Variants in TIAM1 observed in about 807,000 individuals in gnomAD.
TIAM1 encodes the protein rho guanine nucleotide exchange factor TIAM1.
TIAM1 carries 65 observed loss-of-function variants against 163.5 expected under a neutral mutation model. The ratio of observed to expected loss-of-function variants is 0.40; its 90% CI spans 0.33 to 0.49. TIAM1 has a LOEUF of 0.49. Ranked by LOEUF, TIAM1 falls within the 20% of genes least tolerant of loss-of-function variation. The probability of loss-of-function intolerance (pLI) is 0.77; values close to 1 mark genes in which losing one functional copy is unlikely to be tolerated. For missense variants in TIAM1, 1,789 were observed against 2,044.7 expected (o/e 0.87, Z 2.41); for synonymous variants, 833 against 810.1 (o/e 1.03, Z -0.48).
At chr21:31,534,259 T>C (rs916640710) in intron 1 of TIAM1, among the ~76,000 whole-genome samples, 2 of 152,250 alleles carry the variant, frequency 1.3e-5, no homozygotes, top group Non-Finnish European at 2.9e-5. Flanking sequence ...TGGATCTCCA[T>C]GCCTTATTAA....
At chr21:31,549,337 T>G (rs1256523203) in intron 1 of TIAM1, among the ~76,000 whole-genome samples, 1 of 152,188 alleles carries the variant, frequency 6.6e-6, no homozygotes, top group Non-Finnish European at 1.5e-5. Flanking sequence ...ACTTTCAGCT[T>G]TTAAAAATAA....
At chr21:31,147,755 AATT>A (rs936210351) in intron 19 of TIAM1, among the ~76,000 whole-genome samples, 1 of 141,268 alleles carries the variant, frequency 7.1e-6, no homozygotes, top group Non-Finnish European at 1.5e-5. Context: ...TATAATATAT[AATT>A]AATATATTAT....
chr21:31,399,783 T>A (rs988831306), intron 2 of TIAM1, among the ~76,000 whole-genome samples: 1 of 152,206 alleles, frequency 6.6e-6, no homozygotes, highest in Non-Finnish European at 1.5e-5. Context: ...CCTGCACAAA[T>A]AGACATGCCT....
rs1266451651 is a variant in TIAM1 at position 31,118,533 on chromosome 21, C to T, written c.*1835G>A. 2 of 462,220 alleles carry T rather than the reference C, an allele frequency of 4.3e-6. No homozygotes were observed. The highest frequency in any genetic ancestry group is 8.9e-6 in the Non-Finnish European group (2 of 225,076). The allele number at this position is 462,220 out of a possible 1,614,324, so 28.6% of individuals were successfully genotyped here. A position where few individuals can be genotyped will look rare whatever the true frequency, so the allele number is the denominator to read the frequency against. On this transcript the variant is annotated 3_prime_UTR_variant, in exon 28 of 28. Coordinates refer to ENST00000541036, the MANE Select transcript of TIAM1 (RefSeq NM_001353694.2). ...AAAAGAAATATATAAGAACTTTTGA[C>T]ATAGACACGTCATGACCTTATGTAC...
chr21:31,399,707 A>G (rs967912081), intron 2 of TIAM1, among the ~76,000 whole-genome samples: 1 of 152,226 alleles, frequency 6.6e-6, no homozygotes. Context: ...TCAATATGAC[A>G]TTTAGCATTA....
chr21:31,361,959 C>G (rs2076414716), intron 2 of TIAM1, among the ~76,000 whole-genome samples: 1 of 152,004 alleles, frequency 6.6e-6, no homozygotes, highest in South Asian at 2.1e-4. Flanking sequence ...TATACACATA[C>G]ACATATATGT....
chr21:31,127,412 C>CTTTTTTTTTTTTTTTTTTT (rs199978005), intron 25 of TIAM1, among the ~76,000 whole-genome samples: 2 of 140,736 alleles, frequency 1.4e-5, no homozygotes. Context: ...ATGGACCGAA[C>CTTTTTTTTTTTTTTTTTTT]TTTTTTTTTT....
chr21:31,396,312 A>G lies in TIAM1; in HGVS notation c.-368-56890T>C, dbSNP rs113314891. The stretch of plus-strand genomic sequence containing the variant: ...GCCTTTCCCACGCATGCCTCCTGCC[A>G]ATCTTCAATACATTCGCGGGTCCCT... On this transcript the variant is annotated intron_variant, in intron 2 of 28. Coordinates refer to the TIAM1 transcript ENST00000286827. Among the ~76,000 whole-genome samples the G allele has an allele frequency of 5.9e-3, 899 of 152,212 alleles. 13 individuals are homozygous for G. The highest frequency in any genetic ancestry group is 0.02 in the Middle Eastern group (6 of 294).
intron 1 of TIAM1, among the ~76,000 whole-genome samples, chr21:31,526,706 T>C (rs1406119679): frequency 6.6e-6 from 1 of 151,932 alleles, no homozygotes; most frequent in Non-Finnish European, 1.5e-5. Context: ...TTTTTGTTGT[T>C]TGTTTGTTTG....
chr21:31,205,946 G>C (rs1382377535), intron 11 of TIAM1, among the ~76,000 whole-genome samples: 2 of 152,040 alleles, frequency 1.3e-5, no homozygotes, highest in African/African-American at 2.4e-5. Context: ...TCAGCCGGGG[G>C]ACAGAGTGAG....
chr21:31,154,396 T>C lies in TIAM1; in HGVS notation c.3022A>G (p.Ser1008Gly), dbSNP rs2083518189. Residue 1008 changes from serine to glycine, a missense_variant, in exon 17 of 28, where the codon AGT (serine) becomes GGT (glycine). By Grantham distance (56) the Ser-to-Gly change is moderately conservative. Around this residue, in one of 5 missense-constraint regions of TIAM1, gnomAD observed 303 missense variants for 321.3 expected, o/e 0.94. Transcript: ENST00000541036. ...STEQVAAFCR[S>G]LHEMNPSDQS... ...TCAGAGGGGTTCATCTCATGCAAACTGCGGCAAAATGCGGCCACCTGTTCT... is the reference window on the plus strand; with the variant it reads ...TCAGAGGGGTTCATCTCATGCAAACCGCGGCAAAATGCGGCCACCTGTTCT... 1.9e-6 allele frequency: 3 copies of C among 1,613,784 alleles called. No individual in the cohort carries two copies. Among genetic ancestry groups the C allele is most frequent in the Non-Finnish European group, 2.5e-6 (3 of 1,179,984 alleles).
At chr21:31,285,745 C>A (rs2073783011) in intron 2 of TIAM1, among the ~76,000 whole-genome samples, 1 of 152,158 alleles carries the variant, frequency 6.6e-6, no homozygotes, top group South Asian at 2.1e-4. Context: ...CCTGTAATCT[C>A]AGCTACTCGG....
intron 2 of TIAM1, among the ~76,000 whole-genome samples, chr21:31,288,220 T>C (rs1340758011): frequency 6.6e-6 from 1 of 152,118 alleles, no homozygotes; most frequent in African/African-American, 2.4e-5. Flanking sequence ...TGGAACCCAC[T>C]AGAACAGCAA....
At chr21:31,366,507 A>G (rs1308100478) in intron 2 of TIAM1, among the ~76,000 whole-genome samples, 1 of 152,174 alleles carries the variant, frequency 6.6e-6, no homozygotes, top group East Asian at 1.9e-4. Context: ...ATCCATCAGG[A>G]GAAAGCTCAA....
At chr21:31,475,043 ATTATTATTATTATTATTAT>A (rs1386126786) in intron 1 of TIAM1, among the ~76,000 whole-genome samples, 7 of 65,972 alleles carry the variant, frequency 1.1e-4, no homozygotes, top group African/African-American at 2.0e-4. Context: ...TATTATTATT[ATTATTATTATTATTATTAT>A]TTAGTTTTAG....
At chr21:31,234,786 A>C (rs1370519773) in intron 6 of TIAM1, among the ~76,000 whole-genome samples, 2 of 152,168 alleles carry the variant, frequency 1.3e-5, no homozygotes, top group African/African-American at 4.8e-5. Context: ...TGTCTCCAAA[A>C]AAAAAGAGAA....
intron 2 of TIAM1, among the ~76,000 whole-genome samples, chr21:31,399,408 A>G (rs961239371): frequency 3.3e-5 from 5 of 152,210 alleles, no homozygotes; most frequent in African/African-American, 7.2e-5. Flanking sequence ...GGTCAACTAA[A>G]TTAAATAATT....
chr21:31,506,511 T>A (rs956817091), intron 1 of TIAM1, among the ~76,000 whole-genome samples: 1 of 152,222 alleles, frequency 6.6e-6, no homozygotes, highest in Admixed American at 6.5e-5. Flanking sequence ...ATTTCACTAC[T>A]CTAGGTCCCT....
chr21:31,133,354 T>C (rs1001439842), intron 23 of TIAM1, among the ~76,000 whole-genome samples: 1 of 152,224 alleles, frequency 6.6e-6, no homozygotes, highest in African/African-American at 2.4e-5. Context: ...TTTTCTCTTA[T>C]GAACTACAGC....
Sources: allele counts gnomAD v4.1 joint callset (sites outside exome capture counted in the v4.1 genomes callset), GRCh38; gene constraint gnomAD v4.1.1; regional missense constraint gnomAD v4.1.1; transcripts MANE v1.5; gene names NCBI Gene and HGNC (gene_info 2026-07-23, HGNC 2026-07-21).